Variants in COL22A1 observed in about 807,000 individuals in gnomAD.
COL22A1 encodes collagen type XXII alpha 1 chain.
COL22A1 carries 221 observed loss-of-function variants against 248.9 expected under a neutral mutation model. The ratio of observed to expected loss-of-function variants is 0.89; its 90% CI spans 0.80 to 0.99. The LOEUF (loss-of-function observed/expected upper bound fraction) is 0.99. COL22A1 is among the 50% of genes least tolerant of loss of function. COL22A1 has a pLI of 0.00. For missense variants in COL22A1, 2,240 were observed against 2,179.0 expected (o/e 1.03, Z -0.56); for synonymous variants, 891 against 793.4 (o/e 1.12, Z -2.07).
intron 18 of COL22A1, among the ~76,000 whole-genome samples, chr8:138,756,503 T>A (rs577655050): frequency 1.3e-5 from 2 of 152,314 alleles, no homozygotes; most frequent in East Asian, 3.9e-4. Flanking sequence ...ATTATTTCTA[T>A]GGTGCCTTAT....
rs866130379 is a variant in COL22A1 at position 138,827,537 on chromosome 8, G to A, written c.846-756C>T. Among the ~76,000 whole-genome samples the A allele has an allele frequency of 2.0e-5, 3 of 152,066 alleles. No homozygotes were observed. The South Asian group carries it at 6.2e-4, about 32-fold the overall frequency. The stretch of plus-strand genomic sequence containing the variant: ...CATGGCGGCCAGAATAGACTGGGAT[G>A]TAGCACATCCTCTTCTCTCCCACAA... On this transcript the variant is annotated intron_variant, in intron 5 of 64. Coordinates refer to ENST00000303045, the MANE Select transcript of COL22A1 (RefSeq NM_152888.3).
chr8:138,740,560 G>C (rs574680388), intron 22 of COL22A1, among the ~76,000 whole-genome samples: 1 of 152,276 alleles, frequency 6.6e-6, no homozygotes, highest in African/African-American at 2.4e-5. Context: ...CTTGTAAAAG[G>C]CATGAATTCA....
At chr8:138,668,952 G>A (rs1359470532) in intron 41 of COL22A1, among the ~76,000 whole-genome samples, 2 of 152,204 alleles carry the variant, frequency 1.3e-5, no homozygotes, top group Non-Finnish European at 2.9e-5. Flanking sequence ...AGAAGAGGAT[G>A]AGGCAGAGAT....
intron 48 of COL22A1, 89 bp from the exon 49 acceptor site, chr8:138,635,152 A>G: frequency 9.1e-7 from 1 of 1,099,120 alleles, no homozygotes; most frequent in Non-Finnish European, 1.3e-6. Context: ...AACAATACAG[A>G]ATCCACCTTC....
chr8:138,808,463 G>T (rs901022315), intron 9 of COL22A1, among the ~76,000 whole-genome samples: 1 of 152,072 alleles, frequency 6.6e-6, no homozygotes, highest in Non-Finnish European at 1.5e-5. Context: ...GACTGCTAGC[G>T]GTTCATGTAG....
chr8:138,654,439 C>A (rs761368454), intron 45 of COL22A1, among the ~76,000 whole-genome samples: 1 of 152,188 alleles, frequency 6.6e-6, no homozygotes, highest in African/African-American at 2.4e-5. Context: ...AGATTGAACG[C>A]CCCAGACTTC....
intron 3 of COL22A1, among the ~76,000 whole-genome samples, chr8:138,859,176 C>A (rs1443336496): frequency 6.6e-6 from 1 of 152,220 alleles, no homozygotes; most frequent in East Asian, 1.9e-4. Context: ...CCACGTTCTC[C>A]CATTAGCACA....
chr8:138,603,602 C>G (rs374233065), intron 59 of COL22A1, among the ~76,000 whole-genome samples: 1 of 152,134 alleles, frequency 6.6e-6, no homozygotes, highest in Non-Finnish European at 1.5e-5. Flanking sequence ...CAAGTACAAG[C>G]ACATGGGGCT....
chr8:138,821,296 C>T lies in COL22A1; in HGVS notation c.1085G>A (p.Arg362Gln), dbSNP rs146329974. Residue 362 changes from arginine to glutamine, a missense_variant, in exon 7 of 65, where the codon CGG becomes CAG. Physicochemically the swap from Arg to Gln is conservative, Grantham distance 43. Transcript: ENST00000303045. ...GCTCAGGGCCATCTTGTGCCAGTCCCGGTCAAAGAGGTCATTGACCCGAGA... is the reference window on the plus strand; with the variant it reads ...GCTCAGGGCCATCTTGTGCCAGTCCTGGTCAAAGAGGTCATTGACCCGAGA... ...RGSRVNDLFD[R>Q]DWHKMALSIQ... 316 of 1,614,190 alleles carry T rather than the reference C, an allele frequency of 2.0e-4. No homozygotes were observed. The highest frequency in any genetic ancestry group is 3.2e-4 in the Admixed American group (19 of 60,020).
At chr8:138,888,425 G>T (rs1489807498) in intron 1 of COL22A1, among the ~76,000 whole-genome samples, 1 of 152,214 alleles carries the variant, frequency 6.6e-6, no homozygotes, top group East Asian at 1.9e-4. Context: ...GATAATTTCA[G>T]GCAGAAGGAA....
At position 138,639,078 on chromosome 8, in the gene COL22A1, T is replaced by C. The variant is rs547471166; in HGVS notation, c.3502-2283A>G. Among the ~76,000 whole-genome samples the C allele has an allele frequency of 5.3e-5, 8 of 152,320 alleles. No homozygotes were observed. In the South Asian group the frequency reaches 1.7e-3, roughly 32 times the overall value. The stretch of plus-strand genomic sequence containing the variant: ...TTCCCACATGATATCCCATTACATA[T>C]ATTTCCTTGTTTATATCTTGAACTG... On this transcript the variant is annotated intron_variant, in intron 47 of 64. Transcript: ENST00000303045.
At chr8:138,663,170 C>T (rs757211863) in intron 42 of COL22A1, among the ~76,000 whole-genome samples, 3 of 152,198 alleles carry the variant, frequency 2.0e-5, no homozygotes, top group Non-Finnish European at 2.9e-5. Context: ...TATAGGAAAT[C>T]GCATTTTCCC....
chr8:138,603,453 G>GT (rs749017825), intron 59 of COL22A1, among the ~76,000 whole-genome samples: 114 of 152,280 alleles, frequency 7.5e-4, no homozygotes, highest in Non-Finnish European at 2.2e-4. Flanking sequence ...ATGGGAGAAG[G>GT]TGGAGATATA....
chr8:138,663,452 G>T (rs1248922166), intron 42 of COL22A1, among the ~76,000 whole-genome samples: 1 of 152,192 alleles, frequency 6.6e-6, no homozygotes, highest in African/African-American at 2.4e-5. Context: ...GTGTTGAAAA[G>T]ATGCCCAAAA....
intron 3 of COL22A1, among the ~76,000 whole-genome samples, chr8:138,852,401 T>C (rs1821712604): frequency 6.6e-6 from 1 of 152,142 alleles, no homozygotes; most frequent in Non-Finnish European, 1.5e-5. Flanking sequence ...ATGTGGAGTG[T>C]CTAGAAAGTG....
intron 55 of COL22A1, 73 bp from the exon 56 acceptor site, chr8:138,613,993 G>A (rs1300372197): frequency 4.8e-6 from 6 of 1,262,584 alleles, no homozygotes; most frequent in Non-Finnish European, 6.9e-6. Flanking sequence ...AATTTCAAAT[G>A]TTAACCAAAC....
chr8:138,735,665 A>G (rs1003848181), intron 23 of COL22A1, among the ~76,000 whole-genome samples: 1 of 152,202 alleles, frequency 6.6e-6, no homozygotes, highest in Non-Finnish European at 1.5e-5. Flanking sequence ...TAATAGCAAA[A>G]TGCCACAGTG....
At chr8:138,871,226 A>G (rs1374747628) in intron 3 of COL22A1, among the ~76,000 whole-genome samples, 3 of 152,078 alleles carry the variant, frequency 2.0e-5, no homozygotes, top group African/African-American at 7.2e-5. Flanking sequence ...AGATAATTGC[A>G]GGGGCTCTGA....
intron 6 of COL22A1, among the ~76,000 whole-genome samples, chr8:138,824,228 A>G (rs1563812459): frequency 6.6e-6 from 1 of 152,126 alleles, no homozygotes; most frequent in Non-Finnish European, 1.5e-5. Context: ...CTTCCTGGGG[A>G]CATGACTTTC....
Sources: allele counts gnomAD v4.1 joint callset (sites outside exome capture counted in the v4.1 genomes callset), GRCh38; gene constraint gnomAD v4.1.1; transcripts MANE v1.5; gene names NCBI Gene and HGNC (gene_info 2026-07-23, HGNC 2026-07-21).